The following ZRANB1 variants were observed in gnomAD, a reference collection of about 807,000 sequenced individuals.
ZRANB1 encodes zinc finger RANBP2-type containing 1.
In ZRANB1, 16 loss-of-function variants were observed where a neutral mutation model predicts 80.5. That is an observed-to-expected ratio of 0.20 (90% CI 0.13 to 0.30). ZRANB1 has a LOEUF of 0.30. Among genes scored for constraint, ZRANB1 ranks in the 10% least tolerant of loss-of-function variants. The pLI is 1.00. For missense variants in ZRANB1, 576 were observed against 862.6 expected, an observed-to-expected ratio of 0.67 and a Z score of 4.16; for synonymous variants, 291 against 293.1, an observed-to-expected ratio of 0.99 and a Z score of 0.07.
At chr10:124,923,839 C>G in the ZRANB1 span, among the ~76,000 whole-genome samples, 1 of 151,736 alleles carries the variant, frequency 6.6e-6, no homozygotes, top group Non-Finnish European at 1.5e-5. Flanking sequence ...CCCACCGGGT[C>G]CCTCCCTTGA....
intron 1 of ZRANB1, among the ~76,000 whole-genome samples, chr10:124,961,783 T>C (rs1039028630): frequency 2.6e-5 from 4 of 152,268 alleles, no homozygotes; most frequent in Non-Finnish European, 5.9e-5. Flanking sequence ...AGTGAGATTG[T>C]TGAATAGAAG....
At position 124,981,392 on chromosome 10, in the gene ZRANB1, C is replaced by CTT. The variant is rs71029230; in HGVS notation, c.1428-301_1428-300dup. The CTT allele has an allele frequency of 5.7e-4, 92 of 160,010 alleles. 1 individual carries two copies. Among genetic ancestry groups the CTT allele is most frequent in the Middle Eastern group, 5.5e-3 (2 of 366 alleles). 9.9% of individuals were successfully genotyped at this position (160,010 alleles called of 1,614,324 possible). A position where few individuals can be genotyped will look rare whatever the true frequency, so the allele number is the denominator to read the frequency against. On this transcript the variant is annotated intron_variant, in intron 5 of 8. Coordinates refer to ENST00000359653, the MANE Select transcript of ZRANB1 (RefSeq NM_017580.3). ...TCTTTGTATACAACATTTCAGATGA[C>CTT]TTTTTTTTTTTTTTTTTGTAAACTA...
intron 1 of ZRANB1, 106 bp downstream of exon 1, chr10:124,943,413 G>T: frequency 9.1e-7 from 1 of 1,103,758 alleles, no homozygotes. Context: ...TTAGCCACTT[G>T]CTTGAAACCA....
At chr10:124,924,807 T>C in the ZRANB1 span, among the ~76,000 whole-genome samples, 1 of 152,240 alleles carries the variant, frequency 6.6e-6, no homozygotes, top group Non-Finnish European at 1.5e-5. Context: ...TTTACTTCTC[T>C]TGGGTATATA....
chr10:124,917,512 G>A, the ZRANB1 span, among the ~76,000 whole-genome samples: 1 of 152,008 alleles, frequency 6.6e-6, no homozygotes. Flanking sequence ...CTTGTTTACC[G>A]ACCGCCGGCC....
At chr10:124,978,798 T>C (rs1029405713) in intron 5 of ZRANB1, among the ~76,000 whole-genome samples, 7 of 145,096 alleles carry the variant, frequency 4.8e-5, no homozygotes, top group African/African-American at 1.8e-4. Context: ...AGCTAATTTT[T>C]TTTTTTTTTT....
chr10:124,972,093 C>T lies in ZRANB1; in HGVS notation c.1131C>T (p.Asp377=). Residue 377 remains aspartate, a synonymous_variant, in exon 3 of 9, where the codon GAC becomes GAT. Coordinates refer to ENST00000359653, the MANE Select transcript of ZRANB1 (RefSeq NM_017580.3). ...KGDFACYFLT[D]LVTFTLPADI... ...ATTTTGCTTGCTATTTTCTGACTGA[C>T]CTTGTAACATTTACATTGCCAGCAG... 1 of 1,612,884 alleles carries T rather than the reference C, an allele frequency of 6.2e-7. No homozygotes were observed. Among genetic ancestry groups the T allele is most frequent in the South Asian group, 1.1e-5 (1 of 90,646 alleles).
chr10:124,959,064 C>A (rs1418689357), intron 1 of ZRANB1, among the ~76,000 whole-genome samples: 1 of 152,152 alleles, frequency 6.6e-6, no homozygotes, highest in Non-Finnish European at 1.5e-5. Context: ...TGCTCCCAAG[C>A]ACTTTGAAAG....
intron 6 of ZRANB1, among the ~76,000 whole-genome samples, chr10:124,982,634 AC>A (rs1951948354): frequency 6.6e-6 from 1 of 152,168 alleles, no homozygotes; most frequent in African/African-American, 2.4e-5. Context: ...AGAAGGAGGT[AC>A]CCGATCTTTG....
intron 5 of ZRANB1, among the ~76,000 whole-genome samples, chr10:124,974,957 C>A (rs2133988084): frequency 6.6e-6 from 1 of 152,318 alleles, no homozygotes; most frequent in East Asian, 1.9e-4. Context: ...ATCACCATGC[C>A]TGGCTGTTTT....
intron 1 of ZRANB1, among the ~76,000 whole-genome samples, chr10:124,955,334 C>T (rs1951680567): frequency 6.6e-6 from 1 of 151,660 alleles, no homozygotes; most frequent in African/African-American, 2.4e-5. Flanking sequence ...CTCCTGGGTT[C>T]AAGTGATCCT....
At chr10:124,966,830 T>C in intron 2 of ZRANB1, 49 bp downstream of exon 2, 1 of 1,490,548 alleles carries the variant, frequency 6.7e-7, no homozygotes, top group East Asian at 2.3e-5. Context: ...AAGAAACCTG[T>C]TCTTTAGTTT....
upstream of ZRANB1, among the ~76,000 whole-genome samples, chr10:124,940,785 C>T (rs576467897): frequency 1.6e-4 from 25 of 151,900 alleles, no homozygotes; most frequent in South Asian, 1.3e-3. Context: ...AAGAGAAGCC[C>T]GGCCAAGATG....
chr10:124,976,538 A>G (rs1166150932), intron 5 of ZRANB1, among the ~76,000 whole-genome samples: 11 of 149,888 alleles, frequency 7.3e-5, no homozygotes, highest in African/African-American at 2.5e-4. Flanking sequence ...AAAGGCAGCC[A>G]GTAATCTTTT....
Position 124,974,206 on chromosome 10 carries a change from A to G in ZRANB1, c.1235A>G (p.Glu412Gly). 1.9e-6 allele frequency: 3 copies of G among 1,614,212 alleles called. No homozygotes were observed. Among genetic ancestry groups the G allele is most frequent in the South Asian group, 1.1e-5 (1 of 91,088 alleles). The stretch of plus-strand genomic sequence containing the variant: ...ATTTAAATCCATCGTACAGAATTAG[A>G]AGAAGAATCTCCAATTATTAACTGG... ...VLDRDVQKEL[E>G]EESPIINWSL... Residue 412 changes from glutamate (E) to glycine (G), a missense_variant, in exon 5 of 9, where the codon GAA (glutamate) becomes GGA (glycine). Around this residue, in one of 3 missense-constraint regions of ZRANB1, gnomAD observed 411 missense variants for 583.1 expected, o/e 0.70. Transcript: ENST00000359653.
chr10:124,933,498 A>G, the ZRANB1 span, among the ~76,000 whole-genome samples: 1 of 152,190 alleles, frequency 6.6e-6, no homozygotes, highest in Non-Finnish European at 1.5e-5. Flanking sequence ...TTGTTTTATT[A>G]TTATTTAAAT....
chr10:124,922,317 AAAATATATGTATATATATATTTT>A, the ZRANB1 span, among the ~76,000 whole-genome samples: 27 of 17,142 alleles, frequency 1.6e-3, no homozygotes, highest in Admixed American at 0.011. Context: ...ATATATATGT[AAAATATATGTATATATATATTTT>A]TTTTTTAATA....
chr10:124,985,262 A>G lies in ZRANB1; in HGVS notation c.*270A>G, dbSNP rs1415969006. ...TTCCTTCCAAATTGTAAATCTGTCT[A>G]TAAATGTAACGCATGTGGTTGTGTA... On this transcript the variant is annotated 3_prime_UTR_variant, in exon 9 of 9. Transcript: ENST00000359653. The G allele has an allele frequency of 2.7e-6, 1 of 365,898 alleles. No homozygotes were observed. Among genetic ancestry groups the G allele is most frequent in the Non-Finnish European group, 4.9e-6 (1 of 202,792 alleles). 22.7% of individuals were successfully genotyped at this position (365,898 alleles called of 1,614,324 possible). A position where few individuals can be genotyped will look rare whatever the true frequency, so the allele number is the denominator to read the frequency against.
chr10:124,966,551 A>G, intron 1 of ZRANB1, 43 bp from the exon 2 acceptor site: 1 of 1,585,958 alleles, frequency 6.3e-7, no homozygotes, highest in Non-Finnish European at 8.6e-7. Context: ...TTTTTTGAAG[A>G]AAATGAGAAT....
Sources: allele counts gnomAD v4.1 joint callset (sites outside exome capture counted in the v4.1 genomes callset), GRCh38; gene constraint gnomAD v4.1.1; regional missense constraint gnomAD v4.1.1; transcripts MANE v1.5; gene names NCBI Gene and HGNC (gene_info 2026-07-23, HGNC 2026-07-21).